Variants in OTUD7A observed in about 807,000 individuals in gnomAD.
OTUD7A encodes the protein OTU domain-containing protein 7A.
In OTUD7A, 12 loss-of-function variants were observed where a neutral mutation model predicts 65.7. The ratio of observed to expected loss-of-function variants is 0.18; its 90% confidence interval spans 0.12 to 0.30. The LOEUF (loss-of-function observed/expected upper bound fraction) is 0.30, where lower values mean the gene tolerates loss of function less well. OTUD7A is among the 10% of genes least tolerant of loss of function. The pLI, the probability that OTUD7A is intolerant of heterozygous loss-of-function variation, is 1.00. For missense variants in OTUD7A, 1,148 were observed against 1,304.8 expected, an observed-to-expected ratio of 0.88 and a Z score of 1.85; for synonymous variants, 641 against 586.3, an observed-to-expected ratio of 1.09 and a Z score of -1.35.
At chr15:31,646,649 C>T (rs1450388205) in intron 3 of OTUD7A, among the ~76,000 whole-genome samples, 6 of 152,054 alleles carry the variant, frequency 3.9e-5, no homozygotes, top group East Asian at 1.9e-4. Flanking sequence ...TTAGTAGAGA[C>T]AGGGTTTCAC....
intron 3 of OTUD7A, among the ~76,000 whole-genome samples, chr15:31,643,260 C>T (rs1364603322): frequency 1.3e-5 from 2 of 152,216 alleles, no homozygotes; most frequent in African/African-American, 2.4e-5. Flanking sequence ...GCTGGGATTG[C>T]GGGCATGCAC....
At chr15:31,629,519 A>G (rs979641259) in intron 3 of OTUD7A, among the ~76,000 whole-genome samples, 12 of 152,194 alleles carry the variant, frequency 7.9e-5, no homozygotes, top group Non-Finnish European at 1.8e-4. Flanking sequence ...GGATTTTTGC[A>G]TCAATGTTCA....
chr15:31,641,033 A>T (rs1891499023), intron 3 of OTUD7A, among the ~76,000 whole-genome samples: 1 of 152,140 alleles, frequency 6.6e-6, no homozygotes, highest in Admixed American at 6.5e-5. Flanking sequence ...CCCCACCCAA[A>T]TCTCACTTTG....
intron 1 of OTUD7A, among the ~76,000 whole-genome samples, chr15:31,817,279 C>A (rs1896574290): frequency 6.7e-6 from 1 of 148,180 alleles, no homozygotes; most frequent in Admixed American, 6.8e-5. Context: ...TCATTTGCCC[C>A]CCCCCATCAC....
In OTUD7A at chr15:31,511,068, T is replaced by C. The variant is rs201473220; in HGVS notation, c.894-7250A>G. Among the ~76,000 whole-genome samples, 123 of 69,286 alleles carry C rather than the reference T, an allele frequency of 1.8e-3. 23 individuals carry two copies. Among genetic ancestry groups the C allele is most frequent in the South Asian group, 8.6e-3 (18 of 2,104 alleles). The allele number at this position is 69,286 out of a possible 152,430, so 45.5% of individuals were successfully genotyped here. A position where few individuals can be genotyped will look rare whatever the true frequency, so the allele number is the denominator to read the frequency against. On this transcript the variant is annotated intron_variant, in intron 8 of 12. Transcript: ENST00000307050. ...TGTATATCTATATGTAACATACATA[T>C]ATATGTATATCTATATGTAACATAC... is the stretch of plus-strand genomic sequence containing the variant.
intron 3 of OTUD7A, among the ~76,000 whole-genome samples, chr15:31,590,596 T>C (rs1226228869): frequency 6.6e-6 from 1 of 152,224 alleles, no homozygotes; most frequent in Non-Finnish European, 1.5e-5. Flanking sequence ...TATTGTTGTA[T>C]GAATAGATAA....
intron 1 of OTUD7A, among the ~76,000 whole-genome samples, chr15:31,664,625 G>A (rs1486561985): frequency 2.6e-5 from 4 of 152,032 alleles, no homozygotes; most frequent in Non-Finnish European, 5.9e-5. Flanking sequence ...TACTCTGCTG[G>A]CTGTTCCTTT....
At position 31,665,550 on chromosome 15, in the gene OTUD7A, G is replaced by A. The variant is rs536834516; in HGVS notation, c.-99-8473C>T. ...TTGCTGAATTCTTTCATCAGTTCTA[G>A]GAGCTTTCTGGAGGAGTCTTTAGGG... On this transcript the variant is annotated intron_variant, in intron 1 of 12. Transcript: ENST00000307050. 7.2e-5 allele frequency among the ~76,000 whole-genome samples: 11 copies of A among 152,282 alleles called. No homozygotes were observed. The South Asian group carries it at 2.3e-3, about 32-fold the overall frequency.
intron 4 of OTUD7A, among the ~76,000 whole-genome samples, chr15:31,559,488 A>T (rs1181575877): frequency 1.3e-5 from 2 of 152,194 alleles, no homozygotes; most frequent in Non-Finnish European, 2.9e-5. Flanking sequence ...ACATACGCAT[A>T]CACACACATG....
Position 31,484,869 on chromosome 15 carries a change from T to G in OTUD7A, c.1372-145A>C. On this transcript the variant is annotated intron_variant, in intron 12 of 12. Transcript: ENST00000307050. This position sits in a 1 kb window ranked among gnomAD's most constrained non-coding sequence, Gnocchi z 4.5. ...CAGTCCCCACTGTCGCTCTGGTGACTGTGACATCCGGATGGGCGGTGCTGA... is the reference window on the plus strand; with the variant it reads ...CAGTCCCCACTGTCGCTCTGGTGACGGTGACATCCGGATGGGCGGTGCTGA... 7.1e-7 allele frequency: 1 copy of G among 1,407,110 alleles called. No individual in the cohort carries two copies. The highest frequency in any genetic ancestry group is 1.5e-5 in the South Asian group (1 of 68,614). The allele number at this position is 1,407,110 out of a possible 1,614,324, so 87.2% of individuals were successfully genotyped here.
chr15:31,859,262 C>T (rs540119217), intron 1 of OTUD7A, among the ~76,000 whole-genome samples: 1 of 152,262 alleles, frequency 6.6e-6, no homozygotes, highest in Admixed American at 6.5e-5. Context: ...TACAACACAT[C>T]ATGTTGTACA....
At chr15:31,611,713 A>G (rs1029411054) in intron 3 of OTUD7A, among the ~76,000 whole-genome samples, 2 of 152,200 alleles carry the variant, frequency 1.3e-5, no homozygotes, top group Non-Finnish European at 2.9e-5. Flanking sequence ...TCACAGCAGA[A>G]TTCTACCAGA....
Position 31,853,063 on chromosome 15 carries a change from G to A in OTUD7A, c.-100+17444C>T, listed in dbSNP as rs1010729292. Among the ~76,000 whole-genome samples the A allele has an allele frequency of 2.6e-5, 4 of 152,268 alleles. 1 individual carries two copies. The highest frequency in any genetic ancestry group is 2.0e-4 in the Admixed American group (3 of 15,294). On this transcript the variant is annotated intron_variant, in intron 1 of 12. Coordinates refer to ENST00000307050, the MANE Select transcript of OTUD7A (RefSeq NM_001382637.1). The stretch of plus-strand genomic sequence containing the variant: ...GCAAGGAAGGGCCTGGGTGGCCCTC[G>A]CTGGGATGCCAAATCTCTAATACAA...
At chr15:31,662,435 G>C (rs1892192641) in intron 1 of OTUD7A, among the ~76,000 whole-genome samples, 1 of 152,120 alleles carries the variant, frequency 6.6e-6, no homozygotes, top group African/African-American at 2.4e-5. Flanking sequence ...CATATTTTAT[G>C]CATTTCAATC....
chr15:31,613,194 A>G (rs189693893), intron 3 of OTUD7A, among the ~76,000 whole-genome samples: 1 of 152,370 alleles, frequency 6.6e-6, no homozygotes, highest in East Asian at 1.9e-4. Context: ...TAAAAATTCT[A>G]GAAGATAACA....
At chr15:31,731,803 T>C (rs1486751748) in intron 1 of OTUD7A, among the ~76,000 whole-genome samples, 1 of 151,888 alleles carries the variant, frequency 6.6e-6, no homozygotes, top group Non-Finnish European at 1.5e-5. Context: ...ATGTGTGGGG[T>C]TGGGGGTGAA....
intron 1 of OTUD7A, chr15:31,767,678 T>C (rs1031237114): frequency 6.7e-6 from 5 of 740,774 alleles, no homozygotes; most frequent in Middle Eastern, 7.6e-4. Context: ...TAGTTCTCTA[T>C]CATCAACTGC....
chr15:31,801,226 T>C (rs1471479965), intron 1 of OTUD7A, among the ~76,000 whole-genome samples: 1 of 152,068 alleles, frequency 6.6e-6, no homozygotes, highest in Admixed American at 6.5e-5. Context: ...CATTGCTGAG[T>C]CGGCCTCGAA....
chr15:31,516,179 G>A (rs965159141), intron 8 of OTUD7A, among the ~76,000 whole-genome samples: 20 of 152,172 alleles, frequency 1.3e-4, no homozygotes, highest in East Asian at 5.8e-4. Flanking sequence ...AGGTAACAAC[G>A]GTGCAAAGGT....
Sources: allele counts gnomAD v4.1 joint callset (sites outside exome capture counted in the v4.1 genomes callset), GRCh38; gene constraint gnomAD v4.1.1; non-coding constraint Gnocchi (gnomAD v3.1); transcripts MANE v1.5; gene names NCBI Gene and HGNC (gene_info 2026-07-23, HGNC 2026-07-21).